Variants in PFDN1 observed in about 807,000 individuals in gnomAD.
PFDN1 encodes prefoldin subunit 1.
PFDN1 carries 6 observed loss-of-function variants against 17.3 expected under a neutral mutation model. The ratio of observed to expected loss-of-function variants is 0.35; its 90% CI spans 0.19 to 0.69. PFDN1 has a LOEUF of 0.69. PFDN1 is among the 30% of genes least tolerant of loss of function. PFDN1 has a pLI of 0.65. For synonymous variants in PFDN1, 58 were observed against 50.1 expected, an observed-to-expected ratio of 1.16 and a Z score of -0.67; for missense variants, 113 against 146.2, an observed-to-expected ratio of 0.77 and a Z score of 1.17.
At chr5:140,295,646 TG>T (rs1394977480) in intron 2 of PFDN1, among the ~76,000 whole-genome samples, 1 of 152,164 alleles carries the variant, frequency 6.6e-6, no homozygotes, top group Non-Finnish European at 1.5e-5. Context: ...GCCAAAAGAC[TG>T]GATGGAATAT....
intron 3 of PFDN1, chr5:140,281,160 T>C (rs1039573843): frequency 1.3e-5 from 3 of 229,126 alleles, no homozygotes; most frequent in African/African-American, 7.0e-5. Context: ...GTTTTGTTTT[T>C]TTTAAAGAAT....
chr5:140,278,015 C>A (rs1030158690), intron 3 of PFDN1, among the ~76,000 whole-genome samples: 1 of 149,606 alleles, frequency 6.7e-6, no homozygotes, highest in Admixed American at 6.7e-5. Context: ...TCAAGACCAG[C>A]CTGGCCAACA....
chr5:140,287,140 T>C (rs1358786969), intron 2 of PFDN1, among the ~76,000 whole-genome samples: 1 of 152,246 alleles, frequency 6.6e-6, no homozygotes, highest in Non-Finnish European at 1.5e-5. Context: ...TCACAGGAGA[T>C]ACAGGCAAAC....
chr5:140,271,771 C>T (rs1765208612), intron 3 of PFDN1, among the ~76,000 whole-genome samples: 1 of 151,912 alleles, frequency 6.6e-6, no homozygotes. Flanking sequence ...GGATACTATG[C>T]AGCAATGAAA....
At chr5:140,274,645 T>C (rs1320451952) in intron 3 of PFDN1, among the ~76,000 whole-genome samples, 1 of 152,202 alleles carries the variant, frequency 6.6e-6, no homozygotes, top group African/African-American at 2.4e-5. Context: ...GAGTCTGTTA[T>C]GAAAATACTT....
In PFDN1 at chr5:140,245,333, G is replaced by C. The variant is rs1326892704; in HGVS notation, c.*641C>G. 2 of 627,888 alleles carry C rather than the reference G, an allele frequency of 3.2e-6. No homozygotes were observed. The highest frequency in any genetic ancestry group is 2.8e-5 in the East Asian group (1 of 36,188). 38.9% of individuals were successfully genotyped at this position (627,888 alleles called of 1,614,324 possible). Reference sequence around the variant, plus strand: ...CTGCTTACTGTTGAACTTCCTTTTGGAATGTATGGGAGAAGGCAGGGAAAG... The same window carrying C: ...CTGCTTACTGTTGAACTTCCTTTTGCAATGTATGGGAGAAGGCAGGGAAAG... On this transcript the variant is annotated 3_prime_UTR_variant, in exon 4 of 4. Transcript: ENST00000261813.
chr5:140,281,660 C>G, intron 2 of PFDN1, 127 bp from the exon 3 acceptor site: 1 of 637,028 alleles, frequency 1.6e-6, no homozygotes, highest in South Asian at 1.7e-5. Flanking sequence ...CATAATACGT[C>G]AAGCTCAGGA....
chr5:140,264,012 C>T (rs1159887596), intron 3 of PFDN1, among the ~76,000 whole-genome samples: 1 of 69,928 alleles, frequency 1.4e-5, no homozygotes, highest in African/African-American at 5.7e-5. Context: ...CAGAGTGAGA[C>T]TCCATCTCAA....
At chr5:140,255,547 G>A (rs1474344466) in intron 3 of PFDN1, among the ~76,000 whole-genome samples, 3 of 152,184 alleles carry the variant, frequency 2.0e-5, no homozygotes, top group Non-Finnish European at 4.4e-5. Context: ...GCTAAGGCAG[G>A]AGGATCACTT....
rs1765391532 is a variant in PFDN1 at position 140,281,168 on chromosome 5, A to C, written c.285+281T>G. ...GTTTATGGTTTTGTTTTTTTTAAAG[A>C]ATAAACACATTCAAGGGCAATGAAC... On this transcript the variant is annotated intron_variant, in intron 3 of 3. Coordinates refer to ENST00000261813, the MANE Select transcript of PFDN1 (RefSeq NM_002622.5). 1.2e-5 allele frequency: 3 copies of C among 251,184 alleles called. No homozygotes were observed. The South Asian group carries it at 1.9e-4, about 16-fold the overall frequency. 15.6% of individuals were successfully genotyped at this position (251,184 alleles called of 1,614,324 possible). A position where few individuals can be genotyped will look rare whatever the true frequency, so the allele number is the denominator to read the frequency against.
At chr5:140,292,402 C>G (rs1215359925) in intron 2 of PFDN1, among the ~76,000 whole-genome samples, 1 of 152,112 alleles carries the variant, frequency 6.6e-6, no homozygotes, top group Non-Finnish European at 1.5e-5. Context: ...CAGTCAGACA[C>G]ACACATACAG....
intron 2 of PFDN1, 66 bp downstream of exon 2, chr5:140,300,350 C>G (rs1765724306): frequency 4.0e-6 from 5 of 1,261,944 alleles, no homozygotes; most frequent in Non-Finnish European, 5.6e-6. Flanking sequence ...TTAAGATGAA[C>G]AAATTCTATT....
chr5:140,272,363 A>ATTTTT (rs34993514), intron 3 of PFDN1, among the ~76,000 whole-genome samples: 2 of 136,850 alleles, frequency 1.5e-5, no homozygotes, highest in South Asian at 2.3e-4. Context: ...TGGTAAAACC[A>ATTTTT]TTTTTTTTTT....
chr5:140,281,643 A>G, intron 2 of PFDN1, 110 bp from the exon 3 acceptor site: 2 of 671,544 alleles, frequency 3.0e-6, no homozygotes, highest in Non-Finnish European at 5.3e-6. Flanking sequence ...GGACAAATGC[A>G]TATTAACATA....
chr5:140,275,380 G>C (rs529301923), intron 3 of PFDN1, among the ~76,000 whole-genome samples: 24 of 148,272 alleles, frequency 1.6e-4, no homozygotes, highest in Non-Finnish European at 3.0e-4. Flanking sequence ...CTGCACTCCA[G>C]CCTGGGAGAC....
At chr5:140,292,757 G>A (rs1438288084) in intron 2 of PFDN1, 1 of 151,972 alleles carries the variant, frequency 6.6e-6, no homozygotes, top group African/African-American at 2.4e-5. Context: ...GGCACTAATG[G>A]TACATGTAAC....
chr5:140,264,924 G>A (rs1170201651), intron 3 of PFDN1, among the ~76,000 whole-genome samples: 3 of 152,068 alleles, frequency 2.0e-5, no homozygotes, highest in African/African-American at 7.2e-5. Flanking sequence ...TATATATAGG[G>A]AACAGTAAAG....
intron 3 of PFDN1, among the ~76,000 whole-genome samples, chr5:140,278,903 G>C (rs1457460103): frequency 6.6e-6 from 1 of 152,172 alleles, no homozygotes; most frequent in East Asian, 1.9e-4. Flanking sequence ...TTGTTTCAGA[G>C]AAGAGAGGGG....
chr5:140,267,523 T>C (rs1283922832), intron 3 of PFDN1, among the ~76,000 whole-genome samples: 1 of 152,216 alleles, frequency 6.6e-6, no homozygotes, highest in African/African-American at 2.4e-5. Flanking sequence ...GCTCAAACAA[T>C]GCTCTCATGA....
Sources: allele counts gnomAD v4.1 joint callset (sites outside exome capture counted in the v4.1 genomes callset), GRCh38; gene constraint gnomAD v4.1.1; transcripts MANE v1.5; gene names NCBI Gene and HGNC (gene_info 2026-07-23, HGNC 2026-07-21).